SIPA1L3: variants seen among roughly 807,000 people sequenced by gnomAD.
The protein encoded by SIPA1L3 is signal-induced proliferation-associated 1-like protein 3.
In SIPA1L3, 59 loss-of-function variants were observed where a neutral mutation model predicts 150.1. The ratio of observed to expected loss-of-function variants is 0.39; its 90% CI spans 0.32 to 0.49. The LOEUF (loss-of-function observed/expected upper bound fraction) is 0.49. SIPA1L3 is among the 20% of genes least tolerant of loss of function. SIPA1L3 has a pLI of 0.86. For synonymous variants in SIPA1L3, 1,070 were observed against 1,077.6 expected, an observed-to-expected ratio of 0.99 and a Z score of 0.14; for missense variants, 2,211 against 2,489.5, an observed-to-expected ratio of 0.89 and a Z score of 2.38.
At chr19:38,123,943 C>G (rs1971099887) in intron 9 of SIPA1L3, among the ~76,000 whole-genome samples, 1 of 146,614 alleles carries the variant, frequency 6.8e-6, no homozygotes, top group African/African-American at 2.6e-5. Flanking sequence ...CCCTCACCTC[C>G]CGGACGGGGT....
intron 1 of SIPA1L3, among the ~76,000 whole-genome samples, chr19:37,916,627 AC>A (rs2046417088): frequency 6.6e-6 from 1 of 151,988 alleles, no homozygotes; most frequent in Non-Finnish European, 1.5e-5. Flanking sequence ...TGAATAAGAC[AC>A]TGGTTCTCAA....
intron 1 of SIPA1L3, among the ~76,000 whole-genome samples, chr19:38,011,197 G>A (rs73631992): frequency 0.011 from 1,731 of 152,176 alleles, 31 homozygotes; most frequent in African/African-American, 0.039. Flanking sequence ...TCAGTGGGTC[G>A]GGCCTAGTGG....
chr19:37,998,979 T>TCACA lies in SIPA1L3; in HGVS notation c.-378-30080_-378-30077dup, dbSNP rs35998048. Among the ~76,000 whole-genome samples the TCACA allele has an allele frequency of 1.1e-3, 165 of 146,012 alleles. 1 individual carries two copies. Among genetic ancestry groups the TCACA allele is most frequent in the African/African-American group, 3.3e-3 (129 of 39,268 alleles). On this transcript the variant is annotated intron_variant, in intron 1 of 21. Coordinates refer to ENST00000222345, the MANE Select transcript of SIPA1L3 (RefSeq NM_015073.3). ...ACAGAACAAAAACCAGCCCTATCTA[T>TCACA]CACACACACACACACACACACACAC...
intron 2 of SIPA1L3, among the ~76,000 whole-genome samples, chr19:38,034,626 G>A (rs1968738767): frequency 6.6e-6 from 1 of 152,174 alleles, no homozygotes; most frequent in African/African-American, 2.4e-5. Context: ...CTTTGGGGAA[G>A]TTGTGATCAT....
At chr19:38,126,875 C>T (rs1451748054) in intron 9 of SIPA1L3, among the ~76,000 whole-genome samples, 1 of 152,094 alleles carries the variant, frequency 6.6e-6, no homozygotes, top group Non-Finnish European at 1.5e-5. Flanking sequence ...CAAGCATACA[C>T]TAAAGCAAAG....
intron 4 of SIPA1L3, among the ~76,000 whole-genome samples, chr19:38,090,355 C>T (rs1327024755): frequency 4.1e-5 from 6 of 147,084 alleles, no homozygotes; most frequent in Non-Finnish European, 7.5e-5. Flanking sequence ...AAAAGGCTTA[C>T]ACTGATTTAT....
intron 9 of SIPA1L3, among the ~76,000 whole-genome samples, chr19:38,124,258 A>G (rs1971112444): frequency 1.4e-5 from 2 of 144,176 alleles, no homozygotes; most frequent in East Asian, 4.4e-4. Context: ...GGCGGTTGCC[A>G]GGCGGAGGGT....
intron 2 of SIPA1L3, among the ~76,000 whole-genome samples, chr19:38,068,254 C>T (rs535501444): frequency 1.3e-5 from 2 of 152,198 alleles, no homozygotes; most frequent in East Asian, 1.9e-4. Flanking sequence ...TGGTCTCGAT[C>T]TCCTGACCTC....
intron 8 of SIPA1L3, among the ~76,000 whole-genome samples, chr19:38,113,743 C>T (rs943841531): frequency 6.6e-6 from 1 of 152,156 alleles, no homozygotes; most frequent in Non-Finnish European, 1.5e-5. Context: ...CTAAAGCCAT[C>T]TTTGCTTGGC....
intron 1 of SIPA1L3, among the ~76,000 whole-genome samples, chr19:38,015,841 G>T (rs574360237): frequency 6.6e-6 from 1 of 151,952 alleles, no homozygotes; most frequent in African/African-American, 2.4e-5. Flanking sequence ...TGGCTCTAAT[G>T]GAGGGGCCTC....
chr19:38,109,182 G>T (rs1207071715), intron 7 of SIPA1L3, among the ~76,000 whole-genome samples: 1 of 152,080 alleles, frequency 6.6e-6, no homozygotes, highest in Non-Finnish European at 1.5e-5. Context: ...AGAAAAAGAG[G>T]TTAAATGGAC....
At chr19:38,044,457 G>A (rs927770105) in intron 2 of SIPA1L3, among the ~76,000 whole-genome samples, 7 of 152,152 alleles carry the variant, frequency 4.6e-5, no homozygotes, top group African/African-American at 9.7e-5. Flanking sequence ...GTGCCAGTGA[G>A]GAGGGAGGAG....
chr19:38,005,278 C>A (rs1044691037), intron 1 of SIPA1L3, among the ~76,000 whole-genome samples: 8 of 152,204 alleles, frequency 5.3e-5, no homozygotes, highest in Admixed American at 2.0e-4. Context: ...TTGCAACTCT[C>A]TACAGGAAGG....
chr19:38,118,795 A>G (rs1214611645), intron 8 of SIPA1L3, among the ~76,000 whole-genome samples: 2 of 151,800 alleles, frequency 1.3e-5, no homozygotes, highest in Non-Finnish European at 2.9e-5. Flanking sequence ...CAGCCTCCCA[A>G]AGTGCTGGGA....
intron 1 of SIPA1L3, among the ~76,000 whole-genome samples, chr19:37,945,041 C>T (rs1422723966): frequency 6.6e-6 from 1 of 152,180 alleles, no homozygotes; most frequent in African/African-American, 2.4e-5. Flanking sequence ...GCTCAGAACA[C>T]CTGCATTAGC....
rs1211709366 is a variant in SIPA1L3, at chr19:38,195,797, CCCCCG to C, written c.4840+2022_4840+2026del. Among the ~76,000 whole-genome samples the C allele has an allele frequency of 2.1e-4, 24 of 114,056 alleles. 4 individuals are homozygous for C. The highest frequency in any genetic ancestry group is 8.2e-4 in the African/African-American group (23 of 27,974). 74.8% of individuals were successfully genotyped at this position (114,056 alleles called of 152,430 possible). Reference sequence around the variant, plus strand: ...CAGGCACCACCACAGGCCCCGTCCCCCCCCGCCCCCCCGGGTTTCTCTCACCCCCC... The same window carrying C: ...CAGGCACCACCACAGGCCCCGTCCCCCCCCCCCGGGTTTCTCTCACCCCCC... On this transcript the variant is annotated intron_variant, in intron 18 of 21. Transcript: ENST00000222345.
chr19:38,063,508 G>A (rs953816170), intron 2 of SIPA1L3, among the ~76,000 whole-genome samples: 11 of 152,324 alleles, frequency 7.2e-5, no homozygotes, highest in South Asian at 2.1e-4. Context: ...CAAGATTGTC[G>A]AATATTGATT....
intron 6 of SIPA1L3, among the ~76,000 whole-genome samples, chr19:38,105,722 T>C (rs1970608113): frequency 6.6e-6 from 1 of 152,200 alleles, no homozygotes; most frequent in Non-Finnish European, 1.5e-5. Context: ...ATTTAGAGGA[T>C]TTCCCCATGC....
chr19:38,073,418 G>C (rs1392243477), intron 2 of SIPA1L3, among the ~76,000 whole-genome samples: 1 of 152,196 alleles, frequency 6.6e-6, no homozygotes, highest in Non-Finnish European at 1.5e-5. Context: ...AGCACCGTTG[G>C]ATAGTCTTCC....
Sources: allele counts gnomAD v4.1 joint callset (sites outside exome capture counted in the v4.1 genomes callset), GRCh38; gene constraint gnomAD v4.1.1; transcripts MANE v1.5; gene names NCBI Gene and HGNC (gene_info 2026-07-23, HGNC 2026-07-21).